SLC44A1: variants seen among roughly 807,000 people sequenced by gnomAD.
SLC44A1 encodes solute carrier family 44 member 1.
In SLC44A1, 26 loss-of-function variants were observed where a neutral mutation model predicts 79.3. The ratio of observed to expected loss-of-function variants is 0.33; its 90% CI spans 0.24 to 0.46. The LOEUF (loss-of-function observed/expected upper bound fraction) is 0.46. Among genes scored for constraint, SLC44A1 ranks in the 20% least tolerant of loss-of-function variants. The pLI, the probability that SLC44A1 is intolerant of heterozygous loss-of-function variation, is 1.00. For synonymous variants in SLC44A1, 263 were observed against 286.2 expected, an observed-to-expected ratio of 0.92 and a Z score of 0.82; for missense variants, 688 against 798.1, an observed-to-expected ratio of 0.86 and a Z score of 1.66.
intron 1 of SLC44A1, among the ~76,000 whole-genome samples, chr9:105,266,084 A>T (rs987987068): frequency 1.3e-5 from 2 of 152,114 alleles, no homozygotes. Context: ...TAGCCTCTCA[A>T]GTAGCTAGGC....
intron 15 of SLC44A1, among the ~76,000 whole-genome samples, chr9:105,413,212 C>T (rs1829120357): frequency 6.6e-6 from 1 of 152,162 alleles, no homozygotes; most frequent in Non-Finnish European, 1.5e-5. Context: ...GATTGCCCTG[C>T]TATTGCTCTT....
chr9:105,423,449 G>A (rs747322131), intron 15 of SLC44A1, among the ~76,000 whole-genome samples: 1 of 152,172 alleles, frequency 6.6e-6, no homozygotes, highest in Non-Finnish European at 1.5e-5. Flanking sequence ...CTGGGCAACA[G>A]AGCGAGGCTC....
chr9:105,325,100 A>G (rs1826530776), intron 3 of SLC44A1, among the ~76,000 whole-genome samples: 1 of 152,382 alleles, frequency 6.6e-6, no homozygotes, highest in Admixed American at 6.5e-5. Flanking sequence ...AGAAAACAGC[A>G]CAAATGTACA....
At chr9:105,414,049 G>GT (rs1201890412) in intron 15 of SLC44A1, among the ~76,000 whole-genome samples, 28 of 144,378 alleles carry the variant, frequency 1.9e-4, no homozygotes, top group African/African-American at 5.7e-4. Context: ...GTTAGTGTTT[G>GT]GTTTTTTTTT....
At chr9:105,260,559 T>C (rs1034875052) in intron 1 of SLC44A1, among the ~76,000 whole-genome samples, 5 of 152,240 alleles carry the variant, frequency 3.3e-5, no homozygotes, top group Admixed American at 1.3e-4. Flanking sequence ...CTTTAAGATA[T>C]TGGCAAAAGT....
At chr9:105,381,760 C>T (rs1828473301) in intron 13 of SLC44A1, among the ~76,000 whole-genome samples, 1 of 152,020 alleles carries the variant, frequency 6.6e-6, no homozygotes, top group East Asian at 1.9e-4. Flanking sequence ...AGATTTGCTC[C>T]CTAGAAGCAT....
intron 5 of SLC44A1, among the ~76,000 whole-genome samples, chr9:105,351,997 A>C (rs1827463654): frequency 6.6e-6 from 1 of 152,224 alleles, no homozygotes; most frequent in Non-Finnish European, 1.5e-5. Flanking sequence ...ACAGTGGCTC[A>C]TGCCTGTAAT....
intron 1 of SLC44A1, among the ~76,000 whole-genome samples, chr9:105,278,241 T>TA (rs1830258310): frequency 6.6e-6 from 1 of 150,454 alleles, no homozygotes; most frequent in African/African-American, 2.5e-5. Flanking sequence ...TTTTTTCTTT[T>TA]TCTATTTATT....
At chr9:105,422,144 G>C (rs1829260926) in intron 15 of SLC44A1, among the ~76,000 whole-genome samples, 1 of 152,038 alleles carries the variant, frequency 6.6e-6, no homozygotes, top group Admixed American at 6.6e-5. Context: ...AGCAACTTAG[G>C]TACTCAAGCC....
chr9:105,360,476 A>G (rs1051176878), intron 7 of SLC44A1, among the ~76,000 whole-genome samples: 1 of 152,224 alleles, frequency 6.6e-6, no homozygotes, highest in Non-Finnish European at 1.5e-5. Flanking sequence ...ATCTCCAGCT[A>G]GAACAATAGG....
In SLC44A1 at chr9:105,395,878, T is replaced by C; in HGVS notation, c.*6822T>C. On this transcript the variant is annotated 3_prime_UTR_variant, in exon 16 of 16. Coordinates refer to ENST00000374720, the MANE Select transcript of SLC44A1 (RefSeq NM_080546.5). ...ATGTGAGCTCCTTCTTCATTTACCA[T>C]GTTGATAATCCGGTGGTGACTTTTT... The C allele has an allele frequency of 2.0e-6, 2 of 983,936 alleles. No homozygotes were observed. The highest frequency in any genetic ancestry group is 2.4e-6 in the Non-Finnish European group (2 of 829,128). 61.0% of individuals were successfully genotyped at this position (983,936 alleles called of 1,614,324 possible).
At chr9:105,259,912 C>A (rs1829802275) in intron 1 of SLC44A1, among the ~76,000 whole-genome samples, 1 of 152,130 alleles carries the variant, frequency 6.6e-6, no homozygotes, top group Non-Finnish European at 1.5e-5. Context: ...TAAACCAAGA[C>A]CAAGTGGAAA....
intron 5 of SLC44A1, among the ~76,000 whole-genome samples, chr9:105,352,325 C>A (rs1300390414): frequency 1.3e-5 from 2 of 152,086 alleles, no homozygotes; most frequent in Non-Finnish European, 2.9e-5. Context: ...GAGATGCAGA[C>A]CCCTGCCTTC....
rs1828790534 is a variant in SLC44A1, at chr9:105,392,579, A to G, written c.*3523A>G. ...CACTGACCCCTTTATTCTGGACCCA[A>G]ACTGCTTTAGAGCAGAGTTAATACC... is the stretch of plus-strand genomic sequence containing the variant. On this transcript the variant is annotated 3_prime_UTR_variant, in exon 16 of 16. Coordinates refer to ENST00000374720, the MANE Select transcript of SLC44A1 (RefSeq NM_080546.5). The G allele has an allele frequency of 3.0e-6, 3 of 985,076 alleles. No individual in the cohort carries two copies. The highest frequency in any genetic ancestry group is 4.7e-5 in the South Asian group (1 of 21,264). The allele number at this position is 985,076 out of a possible 1,614,324, so 61.0% of individuals were successfully genotyped here.
At position 105,393,914 on chromosome 9, in the gene SLC44A1, A is replaced by G; in HGVS notation, c.*4858A>G. On this transcript the variant is annotated 3_prime_UTR_variant, in exon 16 of 16. Transcript: ENST00000374720. Reference sequence around the variant, plus strand: ...AGTGAAGATCTAGTTGAACATGGAAACATTGTAATTTACAAATGTCTCAGA... The same window carrying G: ...AGTGAAGATCTAGTTGAACATGGAAGCATTGTAATTTACAAATGTCTCAGA... 1.0e-6 allele frequency: 1 copy of G among 984,934 alleles called. No homozygotes were observed. Among genetic ancestry groups the G allele is most frequent in the Non-Finnish European group, 1.2e-6 (1 of 829,474 alleles). 61.0% of individuals were successfully genotyped at this position (984,934 alleles called of 1,614,324 possible).
chr9:105,312,570 GA>G (rs142763088), intron 3 of SLC44A1, among the ~76,000 whole-genome samples: 162 of 152,240 alleles, frequency 1.1e-3, no homozygotes, highest in African/African-American at 3.8e-3. Context: ...TGAGTCTGAG[GA>G]TTTGTATATT....
At chr9:105,423,327 G>A (rs566479415) in intron 15 of SLC44A1, among the ~76,000 whole-genome samples, 10 of 152,232 alleles carry the variant, frequency 6.6e-5, no homozygotes, top group African/African-American at 2.4e-4. Flanking sequence ...AGGCGGGTAT[G>A]GTGGCACATG....
rs138685651 is a variant in SLC44A1 at position 105,350,741 on chromosome 9, G to C, written c.500+2290G>C. On this transcript the variant is annotated intron_variant, in intron 5 of 15. Transcript: ENST00000374720. ...ATAGTCATACTCCCCTCAAGGATTT[G>C]TAAGAATTAAACAAGATAATATACA... Among the ~76,000 whole-genome samples the C allele has an allele frequency of 1.6e-4, 25 of 152,254 alleles. No individual in the cohort carries two copies. In the East Asian group the frequency reaches 3.7e-3, roughly 22 times the overall value.
intron 12 of SLC44A1, among the ~76,000 whole-genome samples, chr9:105,369,493 A>G (rs1828037794): frequency 6.6e-6 from 1 of 152,146 alleles, no homozygotes; most frequent in Admixed American, 6.5e-5. Context: ...CTACCTACTA[A>G]TACCATTACC....
Sources: gnomAD v4.1 joint callset for allele counts (sites outside exome capture counted in the v4.1 genomes callset) on GRCh38, gnomAD v4.1.1 for gene constraint, MANE v1.5 for transcripts, NCBI Gene and HGNC (gene_info 2026-07-23, HGNC 2026-07-21) for gene names.